The following CDKL1 variants were observed in gnomAD, a reference collection of about 807,000 sequenced individuals.
The protein encoded by CDKL1 is cyclin dependent kinase like 1, also known as cyclin-dependent kinase-like 1.
In CDKL1, 41 loss-of-function variants were observed where a neutral mutation model predicts 42.0. The observed-to-expected ratio is 0.98, with a 90% CI of 0.76 to 1.27. The LOEUF (loss-of-function observed/expected upper bound fraction) is 1.27, where lower values mean the gene tolerates loss of function less well. Among genes scored for constraint, CDKL1 ranks in the 50% most tolerant of loss-of-function variants. The pLI is 0.00. For missense variants in CDKL1, 394 were observed against 428.4 expected (o/e 0.92, Z 0.71); for synonymous variants, 153 against 158.6 (o/e 0.96, Z 0.26).
intron 2 of CDKL1, among the ~76,000 whole-genome samples, chr14:50,382,256 T>C (rs61544927): frequency 0.48 from 73,256 of 151,804 alleles, 17,802 homozygotes; most frequent in East Asian, 0.7. Flanking sequence ...ATCGAGACCA[T>C]CCTGGCTAAC....
chr14:50,343,148 A>T, intron 4 of CDKL1: 1 of 519,134 alleles, frequency 1.9e-6, no homozygotes, highest in Non-Finnish European at 2.8e-6. Flanking sequence ...AACCTAATTA[A>T]GAGTTACTTT....
At chr14:50,395,610 TGA>T in intron 2 of CDKL1, 89 bp downstream of exon 2, 2 of 837,184 alleles carry the variant, frequency 2.4e-6, no homozygotes, top group Non-Finnish European at 3.8e-6. Context: ...CAGGCTGCTG[TGA>T]GCTATGATCA....
chr14:50,341,381 A>C, intron 5 of CDKL1, 149 bp from the exon 6 acceptor site: 1 of 1,146,482 alleles, frequency 8.7e-7, no homozygotes, highest in Non-Finnish European at 1.1e-6. Flanking sequence ...CAAATCACTT[A>C]AATAAATATT....
Position 50,326,817 on chromosome 14 carries a change from G to A in CDKL1, c.*3257C>T, listed in dbSNP as rs2032722826. On this transcript the variant is annotated 3_prime_UTR_variant, in exon 10 of 10. Transcript: ENST00000395834. Reference sequence around the variant, plus strand: ...GTGCTTTGGGAGGCTGAGGTGGGAGGATCACTTGAGACCAGGAGTTTGAGA... The same window carrying A: ...GTGCTTTGGGAGGCTGAGGTGGGAGAATCACTTGAGACCAGGAGTTTGAGA... The A allele has an allele frequency of 1.1e-6, 1 of 933,798 alleles. No individual in the cohort carries two copies. Among genetic ancestry groups the A allele is most frequent in the African/African-American group, 1.8e-5 (1 of 56,222 alleles). The allele number at this position is 933,798 out of a possible 1,614,324, so 57.8% of individuals were successfully genotyped here.
At chr14:50,365,847 G>A (rs543042576) in intron 2 of CDKL1, among the ~76,000 whole-genome samples, 4 of 152,276 alleles carry the variant, frequency 2.6e-5, no homozygotes, top group African/African-American at 7.2e-5. Context: ...TGAGTCTTCC[G>A]GCCTTCATCT....
intron 2 of CDKL1, among the ~76,000 whole-genome samples, chr14:50,378,797 A>T (rs1194026299): frequency 6.6e-6 from 1 of 151,746 alleles, no homozygotes; most frequent in East Asian, 1.9e-4. Flanking sequence ...TCCGCATCCC[A>T]AAGTGTTGGG....
intron 2 of CDKL1, among the ~76,000 whole-genome samples, chr14:50,360,820 G>GTC (rs2034222294): frequency 6.6e-6 from 1 of 151,188 alleles, no homozygotes; most frequent in Non-Finnish European, 1.5e-5. Context: ...GTGTGTGTGT[G>GTC]TGTGTGATTG....
At chr14:50,384,788 G>A (rs1174408271) in intron 2 of CDKL1, among the ~76,000 whole-genome samples, 3 of 151,420 alleles carry the variant, frequency 2.0e-5, no homozygotes, top group Admixed American at 2.0e-4. Context: ...GGTTGATGCC[G>A]GCTATGGCGG....
At chr14:50,376,619 T>TA (rs1171663298) in intron 2 of CDKL1, among the ~76,000 whole-genome samples, 1 of 152,134 alleles carries the variant, frequency 6.6e-6, no homozygotes, top group East Asian at 1.9e-4. Flanking sequence ...AGTAATTTTA[T>TA]AAAAAATATA....
In CDKL1 at chr14:50,329,115, A is replaced by G. The variant is rs1220968538; in HGVS notation, c.*959T>C. 1 of 151,622 alleles carries G rather than the reference A, an allele frequency of 6.6e-6. No individual in the cohort carries two copies. The highest frequency in any genetic ancestry group is 2.4e-5 in the African/African-American group (1 of 41,312). 9.4% of individuals were successfully genotyped at this position (151,622 alleles called of 1,614,324 possible). Reference sequence around the variant, plus strand: ...TAGTGCAAAAAGATGTTTCAGGGAAAACATCAGTTTACAACATAATGTCTT... The same window carrying G: ...TAGTGCAAAAAGATGTTTCAGGGAAGACATCAGTTTACAACATAATGTCTT... On this transcript the variant is annotated 3_prime_UTR_variant, in exon 10 of 10. Coordinates refer to ENST00000395834, the MANE Select transcript of CDKL1 (RefSeq NM_004196.7).
upstream of CDKL1, chr14:50,397,063 G>T (rs558463485): frequency 1.4e-4 from 190 of 1,329,412 alleles, no homozygotes; most frequent in Non-Finnish European, 1.8e-4. Context: ...CTGACCGCGG[G>T]CCGAGTCCTG....
intron 3 of CDKL1, among the ~76,000 whole-genome samples, chr14:50,345,482 G>A (rs1220125028): frequency 5.3e-5 from 8 of 152,324 alleles, no homozygotes; most frequent in African/African-American, 1.7e-4. Flanking sequence ...CAAACAGACA[G>A]CCTTGAAGCA....
At chr14:50,335,669 C>G in intron 7 of CDKL1, 4 of 1,494,664 alleles carry the variant, frequency 2.7e-6, no homozygotes, top group Non-Finnish European at 3.6e-6. Flanking sequence ...TAAGAGCCAG[C>G]CAAGCTGAGC....
intron 3 of CDKL1, chr14:50,358,205 T>C (rs762465637): frequency 8.8e-5 from 106 of 1,203,670 alleles, no homozygotes; most frequent in Non-Finnish European, 1.1e-4. Context: ...CCCTTCTCAG[T>C]TACAGCCACA....
intron 8 of CDKL1, chr14:50,334,327 T>A (rs533586445): frequency 1.7e-4 from 59 of 355,320 alleles, no homozygotes; most frequent in African/African-American, 1.2e-3. Context: ...TAATTTTTTT[T>A]ATTTTTAGTA....
upstream of CDKL1, chr14:50,396,890 G>A (rs10136664): frequency 4.2e-6 from 1 of 235,542 alleles, no homozygotes; most frequent in Non-Finnish European, 7.9e-6. Flanking sequence ...TCGGCTCGGC[G>A]TGGCTCGGCC....
intron 3 of CDKL1, among the ~76,000 whole-genome samples, chr14:50,349,657 C>T (rs945994482): frequency 3.9e-5 from 6 of 152,220 alleles, no homozygotes; most frequent in Non-Finnish European, 5.9e-5. Flanking sequence ...ACAAACTTAA[C>T]AGCTCTGGAA....
intron 2 of CDKL1, chr14:50,378,254 C>G: frequency 1.5e-6 from 2 of 1,366,276 alleles, no homozygotes; most frequent in Non-Finnish European, 9.8e-7. Flanking sequence ...AGATTCTACC[C>G]CACCTCCTTC....
At chr14:50,342,857 T>C in intron 4 of CDKL1, 1 of 1,238,094 alleles carries the variant, frequency 8.1e-7, no homozygotes. Context: ...CCCTTCCAGC[T>C]CTGACATTCA....
Sources: allele counts gnomAD v4.1 joint callset (sites outside exome capture counted in the v4.1 genomes callset), GRCh38; gene constraint gnomAD v4.1.1; transcripts MANE v1.5; gene names NCBI Gene and HGNC (gene_info 2026-07-23, HGNC 2026-07-21).